Variants in PKIG observed in about 807,000 individuals in gnomAD.
The protein encoded by PKIG is cAMP-dependent protein kinase inhibitor gamma.
Under a neutral mutation model 6.8 loss-of-function variants are expected in PKIG, and 1 was observed. The observed-to-expected ratio is 0.15, with a 90% CI of 0.05 to 0.69. The LOEUF is 0.69. PKIG is among the 30% of genes least tolerant of loss of function. The pLI is 0.82. For synonymous variants in PKIG, 39 were observed against 43.0 expected (o/e 0.91, Z 0.36); for missense variants, 77 against 104.0 (o/e 0.74, Z 1.13).
chr20:44,580,841 GA>G (rs1464929709), upstream of PKIG, among the ~76,000 whole-genome samples: 4 of 152,102 alleles, frequency 2.6e-5, no homozygotes, highest in Non-Finnish European at 5.9e-5. Context: ...CTTACCTATA[GA>G]GAGCCGCTTT....
chr20:44,562,951 G>A (rs1460854190), intron 1 of PKIG, among the ~76,000 whole-genome samples: 1 of 152,134 alleles, frequency 6.6e-6, no homozygotes, highest in Non-Finnish European at 1.5e-5. Flanking sequence ...TTGGGAGACT[G>A]AAGCAGGAGA....
chr20:44,617,306 C>T (rs1568838856), intron 3 of PKIG, among the ~76,000 whole-genome samples: 1 of 152,124 alleles, frequency 6.6e-6, no homozygotes, highest in Non-Finnish European at 1.5e-5. Flanking sequence ...TGCACAGTGT[C>T]ACTGGGGTTT....
intron 1 of PKIG, among the ~76,000 whole-genome samples, chr20:44,577,034 G>C (rs2064904614): frequency 6.6e-6 from 1 of 152,036 alleles, no homozygotes; most frequent in Non-Finnish European, 1.5e-5. Context: ...CAATGTCTTA[G>C]TCATCTTTTG....
intron 2 of PKIG, among the ~76,000 whole-genome samples, chr20:44,596,940 T>A (rs990689912): frequency 3.3e-5 from 5 of 152,098 alleles, no homozygotes; most frequent in Non-Finnish European, 7.4e-5. Context: ...TCCACTCACC[T>A]CCTCTCCCAT....
intron 2 of PKIG, among the ~76,000 whole-genome samples, chr20:44,613,063 G>A (rs1463612525): frequency 6.6e-6 from 1 of 152,204 alleles, no homozygotes; most frequent in African/African-American, 2.4e-5. Flanking sequence ...CTAAATGTAT[G>A]TGGCTCTTCT....
At chr20:44,542,412 A>T (rs1047682986) in intron 1 of PKIG, among the ~76,000 whole-genome samples, 3 of 146,462 alleles carry the variant, frequency 2.0e-5, no homozygotes, top group African/African-American at 7.5e-5. Flanking sequence ...AATGAAACTT[A>T]AAAAAAAAAA....
At chr20:44,532,646 G>A (rs928220941) in intron 1 of PKIG, among the ~76,000 whole-genome samples, 1 of 152,188 alleles carries the variant, frequency 6.6e-6, no homozygotes, top group Admixed American at 6.5e-5. Flanking sequence ...ATACAGGGGG[G>A]CTGTGAATGC....
intron 2 of PKIG, among the ~76,000 whole-genome samples, chr20:44,607,469 C>T (rs576323504): frequency 1.2e-3 from 180 of 144,530 alleles, no homozygotes; most frequent in Non-Finnish European, 1.3e-3. Flanking sequence ...CTCTGCCTCT[C>T]GGGTTCGAGC....
intron 2 of PKIG, among the ~76,000 whole-genome samples, chr20:44,606,392 T>A (rs1196029418): frequency 6.6e-6 from 1 of 152,206 alleles, no homozygotes; most frequent in African/African-American, 2.4e-5. Context: ...CTACTGGGGA[T>A]TGCTATGGTT....
chr20:44,592,554 C>T (rs2065041940), intron 2 of PKIG, among the ~76,000 whole-genome samples: 1 of 152,204 alleles, frequency 6.6e-6, no homozygotes, highest in Non-Finnish European at 1.5e-5. Flanking sequence ...TGTGCCTGCT[C>T]ATCTCCCAGG....
chr20:44,596,431 G>C lies in PKIG; in HGVS notation c.-24+6565G>C, dbSNP rs574551118. Among the ~76,000 whole-genome samples, 39 of 152,264 alleles carry C rather than the reference G, an allele frequency of 2.6e-4. 1 individual carries two copies. Among genetic ancestry groups the C allele is most frequent in the African/African-American group, 8.2e-4 (34 of 41,536 alleles). On this transcript the variant is annotated intron_variant, in intron 2 of 3. Transcript: ENST00000372886. Reference sequence around the variant, plus strand: ...GCATTCCCATGAAGACTGGAGGTGTGGGGGGAGGGCTGGAATACTGAACAA... The same window carrying C: ...GCATTCCCATGAAGACTGGAGGTGTCGGGGGAGGGCTGGAATACTGAACAA...
chr20:44,610,846 C>G (rs1469806759), intron 2 of PKIG, among the ~76,000 whole-genome samples: 1 of 151,990 alleles, frequency 6.6e-6, no homozygotes, highest in East Asian at 1.9e-4. Flanking sequence ...TATGTCAGTA[C>G]AGGCCCATCT....
chr20:44,598,787 C>G (rs2065095757), intron 2 of PKIG: 1 of 152,236 alleles, frequency 6.6e-6, no homozygotes, highest in South Asian at 2.1e-4. Flanking sequence ...GAAGCACAGA[C>G]TTCCATGGGT....
chr20:44,539,156 T>A (rs1425130050), intron 1 of PKIG, among the ~76,000 whole-genome samples: 1 of 152,192 alleles, frequency 6.6e-6, no homozygotes, highest in African/African-American at 2.4e-5. Flanking sequence ...CTCGAACTCC[T>A]GACCTCAGGT....
intron 1 of PKIG, among the ~76,000 whole-genome samples, chr20:44,545,294 A>G (rs2064603130): frequency 6.6e-6 from 1 of 152,156 alleles, no homozygotes; most frequent in Non-Finnish European, 1.5e-5. Flanking sequence ...GACAATCAAT[A>G]AGAATCAACT....
At chr20:44,554,104 C>T (rs2123207429) in intron 1 of PKIG, among the ~76,000 whole-genome samples, 1 of 151,582 alleles carries the variant, frequency 6.6e-6, no homozygotes, top group East Asian at 1.9e-4. Flanking sequence ...CAGAATCTTG[C>T]TCTGTCGCCC....
chr20:44,556,490 G>T (rs1466025475), intron 1 of PKIG, among the ~76,000 whole-genome samples: 1 of 152,056 alleles, frequency 6.6e-6, no homozygotes, highest in Non-Finnish European at 1.5e-5. Context: ...AGCCTTCTGA[G>T]TAGCTGGGAT....
chr20:44,581,702 G>A (rs2064949746), upstream of PKIG, among the ~76,000 whole-genome samples: 2 of 152,046 alleles, frequency 1.3e-5, no homozygotes, highest in Admixed American at 1.3e-4. Context: ...GAATTCTTTT[G>A]GTTTTACTCC....
chr20:44,577,179 A>G (rs2064906093), intron 1 of PKIG, among the ~76,000 whole-genome samples: 1 of 151,786 alleles, frequency 6.6e-6, no homozygotes, highest in East Asian at 1.9e-4. Context: ...GCATGATCTC[A>G]TCTCACTGCA....
Sources: allele counts gnomAD v4.1 joint callset (sites outside exome capture counted in the v4.1 genomes callset), GRCh38; gene constraint gnomAD v4.1.1; transcripts MANE v1.5; gene names NCBI Gene and HGNC (gene_info 2026-07-23, HGNC 2026-07-21).